The following TSPOAP1 variants were observed in gnomAD, a reference collection of about 807,000 sequenced individuals.
TSPOAP1 encodes the protein peripheral-type benzodiazepine receptor-associated protein 1.
In TSPOAP1, 87 loss-of-function variants were observed where a neutral mutation model predicts 197.0. The ratio of observed to expected loss-of-function variants is 0.44; its 90% CI spans 0.37 to 0.53. The LOEUF is 0.53. TSPOAP1 is among the 20% of genes least tolerant of loss of function. The probability of loss-of-function intolerance (pLI) is 0.00; values close to 1 mark genes in which losing one functional copy is unlikely to be tolerated. For missense variants in TSPOAP1, 2,174 were observed against 2,411.3 expected (o/e 0.90, Z 2.06); for synonymous variants, 913 against 998.9 (o/e 0.91, Z 1.62).
At chr17:58,325,094 G>A (rs922697526) in intron 4 of TSPOAP1, 92 bp from the exon 5 acceptor site, 2 of 1,194,532 alleles carry the variant, frequency 1.7e-6, no homozygotes, top group Non-Finnish European at 1.1e-6. Context: ...CCTTGCTGGA[G>A]GGGCTCCGAT....
chr17:58,306,608 G>A (rs1380147977), intron 25 of TSPOAP1, 192 bp downstream of exon 25: 1 of 899,598 alleles, frequency 1.1e-6, no homozygotes, highest in Non-Finnish European at 1.7e-6. Context: ...ATTCCCCTCT[G>A]CAACAGACGC....
Position 58,309,513 on chromosome 17 carries a change from T to G in TSPOAP1, c.3892-133A>C. 8.6e-5 allele frequency: 106 copies of G among 1,230,392 alleles called. No individual in the cohort carries two copies. Among genetic ancestry groups the G allele is most frequent in the South Asian group, 1.5e-4 (9 of 59,652 alleles). 76.2% of individuals were successfully genotyped at this position (1,230,392 alleles called of 1,614,324 possible). ...GACAACCCCACAGCCCTCCCACGGC[T>G]TCCTCCGAGAGGAGAGAACCAGAGG... On this transcript the variant is annotated intron_variant, in intron 21 of 31. Coordinates refer to ENST00000343736, the MANE Select transcript of TSPOAP1 (RefSeq NM_004758.4). The surrounding 1 kb of genome is among the most constrained non-coding windows in gnomAD (Gnocchi z 5.0).
chr17:58,327,990 G>A lies in TSPOAP1; in HGVS notation c.-70C>T. ...CAGCCAGGTGGGGGGACTGGCGAGG[G>A]TCATGCCAGGCCAGCCCCTCTCCCC... On this transcript the variant is annotated 5_prime_UTR_variant, in exon 1 of 32. Transcript: ENST00000343736. The A allele has an allele frequency of 3.0e-6, 4 of 1,349,100 alleles. No individual in the cohort carries two copies. Among genetic ancestry groups the A allele is most frequent in the Admixed American group, 2.3e-5 (1 of 43,932 alleles). 83.6% of individuals were successfully genotyped at this position (1,349,100 alleles called of 1,614,324 possible).
Position 58,311,154 on chromosome 17 carries a change from C to G in TSPOAP1, c.3141G>C (p.Gln1047His). 1.9e-6 allele frequency: 3 copies of G among 1,611,084 alleles called. No homozygotes were observed. Among genetic ancestry groups the G allele is most frequent in the Non-Finnish European group, 2.5e-6 (3 of 1,179,308 alleles). The change falls in exon 19 of 32, where the codon CAG (glutamine) becomes CAC (histidine). Residue 1047 changes from glutamine to histidine, a missense_variant. Gln to His is a conservative substitution (Grantham distance 24, BLOSUM62 0). Transcript: ENST00000343736. ...GSVLVELSQL[Q>H]LLQVCREVVV... ...CCACCTCACGACACACCTGCAGCAG[C>G]TGCAGCTGGGACAACTCCACCAGTA...
chr17:58,307,716 GGGTA>G lies in TSPOAP1; in HGVS notation c.4874_4877del (p.Leu1625ProfsTer35). The G allele has an allele frequency of 6.2e-7, 1 of 1,614,174 alleles. No individual in the cohort carries two copies. The highest frequency in any genetic ancestry group is 8.5e-7 in the Non-Finnish European group (1 of 1,180,034). ...CAAACAGAGCCACAAAGATCCTGAC[GGGTA>G]GGTGCTGGTAAGCCAGTGTTTCTGA... On this transcript the variant is annotated frameshift_variant, in exon 24 of 32. Coordinates refer to ENST00000343736, the MANE Select transcript of TSPOAP1 (RefSeq NM_004758.4). LOFTEE classifies it high-confidence loss of function.
In TSPOAP1 at chr17:58,304,401, T is replaced by C. The variant is rs1970810443; in HGVS notation, c.5545-2A>G. 6.2e-7 allele frequency: 1 copy of C among 1,613,028 alleles called. No individual in the cohort carries two copies. The highest frequency in any genetic ancestry group is 8.5e-7 in the Non-Finnish European group (1 of 1,178,994). Reference sequence around the variant, plus strand: ...CTGGACTCTTCTCCTCCTCGTTCTCTGAGGACAGGGAACAAAGAGAGGAGA... The same window carrying C: ...CTGGACTCTTCTCCTCCTCGTTCTCCGAGGACAGGGAACAAAGAGAGGAGA... On this transcript the variant is annotated splice_acceptor_variant, in intron 30 of 31. Coordinates refer to ENST00000343736, the MANE Select transcript of TSPOAP1 (RefSeq NM_004758.4). LOFTEE classifies it high-confidence loss of function. The surrounding 1 kb of genome is among the most constrained non-coding windows in gnomAD (Gnocchi z 4.2).
At chr17:58,325,148 C>T (rs1971540299) in intron 4 of TSPOAP1, 146 bp from the exon 5 acceptor site, 3 of 745,266 alleles carry the variant, frequency 4.0e-6, no homozygotes, top group Non-Finnish European at 6.4e-6. Context: ...TGCCTGGTTA[C>T]ATGTGCATGC....
chr17:58,316,254 G>C, intron 15 of TSPOAP1, 122 bp from the exon 16 acceptor site: 1 of 1,081,734 alleles, frequency 9.2e-7, no homozygotes, highest in Non-Finnish European at 1.4e-6. Flanking sequence ...TCCACCACCA[G>C]CAAAGCTGAG....
Position 58,316,149 on chromosome 17 carries a change from A to C in TSPOAP1, c.1989-17T>G. On this transcript the variant is annotated splice_polypyrimidine_tract_variant and intron_variant, in intron 15 of 31. Transcript: ENST00000343736. ...GGGTTGTAGCTGTTAGGGGAGGCACAGAGGAGGAGGAGGAGAGTGACCTAC... is the reference window on the plus strand; with the variant it reads ...GGGTTGTAGCTGTTAGGGGAGGCACCGAGGAGGAGGAGGAGAGTGACCTAC... The C allele has an allele frequency of 3.2e-6, 5 of 1,581,360 alleles. No homozygotes were observed. Among genetic ancestry groups the C allele is most frequent in the East Asian group, 4.5e-5 (2 of 44,684 alleles).
At position 58,311,809 on chromosome 17, in the gene TSPOAP1, A is replaced by T; in HGVS notation, c.2929+83T>A. 4.0e-6 allele frequency: 6 copies of T among 1,489,768 alleles called. No individual in the cohort carries two copies. In the South Asian group the frequency reaches 5.5e-5, roughly 14 times the overall value. 92.3% of individuals were successfully genotyped at this position (1,489,768 alleles called of 1,614,324 possible). On this transcript the variant is annotated intron_variant, in intron 17 of 31. Coordinates refer to ENST00000343736, the MANE Select transcript of TSPOAP1 (RefSeq NM_004758.4). ...CAATTTGCTATTTCCCTGATAACGC[A>T]AATAAGATCAGGGTCCCCTTCTTCC...
At chr17:58,319,795 G>T (rs780661595) in intron 12 of TSPOAP1, among the ~76,000 whole-genome samples, 1 of 152,258 alleles carries the variant, frequency 6.6e-6, no homozygotes, top group Non-Finnish European at 1.5e-5. Context: ...TCTCAGGTCT[G>T]AGGAGAGTCC....
chr17:58,308,536 C>T lies in TSPOAP1; in HGVS notation c.4731+5G>A, dbSNP rs1318950616. Reference sequence around the variant, plus strand: ...GGCTGCCCAGGGCGGGGAGTGAGCACGGACCCGGGAGAGTGGCTCCTTGGC... The same window carrying T: ...GGCTGCCCAGGGCGGGGAGTGAGCATGGACCCGGGAGAGTGGCTCCTTGGC... On this transcript the variant is annotated splice_donor_5th_base_variant and intron_variant, in intron 22 of 31. Coordinates refer to ENST00000343736, the MANE Select transcript of TSPOAP1 (RefSeq NM_004758.4). 3 of 1,515,698 alleles carry T rather than the reference C, an allele frequency of 2.0e-6. No homozygotes were observed. The highest frequency in any genetic ancestry group is 2.1e-5 in the Admixed American group (1 of 46,792). 93.9% of individuals were successfully genotyped at this position (1,515,698 alleles called of 1,614,324 possible).
intron 20 of TSPOAP1, 28 bp from the exon 21 acceptor site, chr17:58,310,186 G>A: frequency 6.2e-7 from 1 of 1,600,132 alleles, no homozygotes; most frequent in East Asian, 2.2e-5. Context: ...AGGCAGGAGA[G>A]ATAAGGACAG....
At chr17:58,303,658 T>C (rs964961272) in intron 31 of TSPOAP1, 1 of 152,306 alleles carries the variant, frequency 6.6e-6, no homozygotes, top group Non-Finnish European at 1.5e-5. Flanking sequence ...TTTTATTTTT[T>C]TATTTTTGAG....
At position 58,316,047 on chromosome 17, in the gene TSPOAP1, T is replaced by C. The variant is rs1971222750; in HGVS notation, c.2074A>G (p.Met692Val). Residue 692 changes from methionine to valine, a missense_variant, in exon 16 of 32, where the codon ATG (methionine) becomes GTG (valine). Physicochemically the swap from Met to Val is conservative, Grantham distance 21 (BLOSUM62 1). Around this residue, in one of 5 missense-constraint regions of TSPOAP1, gnomAD observed 1,933 missense variants for 2,139.0 expected, o/e 0.90. Transcript: ENST00000343736. ...CCTTCAAAAAAGCCATCCTCATCCATGTTGCCATAGATGTAGATGTACTCG... is the reference window on the plus strand; with the variant it reads ...CCTTCAAAAAAGCCATCCTCATCCACGTTGCCATAGATGTAGATGTACTCG... Reference protein sequence around the residue: ...AGEYIYIYGNMDEDGFFEGEL... With the variant: ...AGEYIYIYGNVDEDGFFEGEL... The C allele has an allele frequency of 1.2e-6, 2 of 1,614,058 alleles. No individual in the cohort carries two copies. The highest frequency in any genetic ancestry group is 1.3e-5 in the African/African-American group (1 of 75,020).
chr17:58,320,752 G>C (rs539520660), intron 10 of TSPOAP1, among the ~76,000 whole-genome samples, 171 bp from the exon 11 acceptor site: 2 of 152,138 alleles, frequency 1.3e-5, no homozygotes, highest in African/African-American at 4.8e-5. Flanking sequence ...GAGGCCGAAG[G>C]GTTTCTCCCT....
intron 7 of TSPOAP1, 21 bp downstream of exon 7, chr17:58,323,277 G>A (rs757334770): frequency 6.2e-7 from 1 of 1,613,502 alleles, no homozygotes; most frequent in Admixed American, 1.7e-5. Context: ...GCTGGCCTCT[G>A]GGTTGCCCTC....
chr17:58,323,047 G>T lies in TSPOAP1; in HGVS notation c.1105-8C>A. On this transcript the variant is annotated splice_region_variant and splice_polypyrimidine_tract_variant and intron_variant, in intron 7 of 31. Transcript: ENST00000343736. ...TTGTCTCAGCTGCAGTTCCTGAGCG[G>T]GCAGAGGAGCTCTCAGGAGGGAGCC... The T allele has an allele frequency of 6.2e-7, 1 of 1,602,856 alleles. No individual in the cohort carries two copies. Among genetic ancestry groups the T allele is most frequent in the East Asian group, 2.3e-5 (1 of 44,424 alleles).
At position 58,318,325 on chromosome 17, in the gene TSPOAP1, G is replaced by A. The variant is rs201180848; in HGVS notation, c.1827C>T (p.His609=). 6.2e-7 allele frequency: 1 copy of A among 1,614,244 alleles called. No homozygotes were observed. The change falls in exon 14 of 32, where the codon CAC becomes CAT. Residue 609 remains histidine (H), a synonymous_variant. Coordinates refer to ENST00000343736, the MANE Select transcript of TSPOAP1 (RefSeq NM_004758.4). ...TGGGGCTGTTGTGGATGGACTCGGA[G>A]TGGGAGGAGTTGGAGAGAGACTCTG... is the stretch of plus-strand genomic sequence containing the variant. The part of the protein sequence containing the change: ...KKAESLSNSS[H]SESIHNSPKS...
Sources: allele counts gnomAD v4.1 joint callset (sites outside exome capture counted in the v4.1 genomes callset), GRCh38; gene constraint gnomAD v4.1.1; regional missense constraint gnomAD v4.1.1; non-coding constraint Gnocchi (gnomAD v3.1); transcripts MANE v1.5; gene names NCBI Gene and HGNC (gene_info 2026-07-23, HGNC 2026-07-21).